The following IL1R2 variants were observed in gnomAD, a reference collection of about 807,000 sequenced individuals.
The protein encoded by IL1R2 is interleukin 1 receptor type 2.
Under a neutral mutation model 39.5 loss-of-function variants are expected in IL1R2, and 46 were observed. The ratio of observed to expected loss-of-function variants is 1.16; its 90% CI spans 0.92 to 1.49. IL1R2 has a LOEUF of 1.49. IL1R2 is among the 40% of genes most tolerant of loss of function. The probability of loss-of-function intolerance (pLI) is 0.00; values close to 1 mark genes in which losing one functional copy is unlikely to be tolerated. For synonymous variants in IL1R2, 207 were observed against 189.6 expected (o/e 1.09, Z -0.75); for missense variants, 537 against 502.0 (o/e 1.07, Z -0.67).
intron 5 of IL1R2, among the ~76,000 whole-genome samples, chr2:102,021,791 G>C (rs1267562030): frequency 1.3e-5 from 2 of 152,208 alleles, no homozygotes; most frequent in East Asian, 3.8e-4. Context: ...TGAGTATTTT[G>C]TGGCAGGCAC....
intron 1 of IL1R2, among the ~76,000 whole-genome samples, chr2:102,003,252 G>A (rs868491854): frequency 1.3e-5 from 2 of 151,602 alleles, no homozygotes; most frequent in South Asian, 2.1e-4. Flanking sequence ...CTGTGTCTGT[G>A]TCGGTGTCTG....
At chr2:102,016,147 GCACA>G in intron 4 of IL1R2, 96 bp downstream of exon 4, 3 of 919,264 alleles carry the variant, frequency 3.3e-6, no homozygotes, top group Non-Finnish European at 4.9e-6. Flanking sequence ...TGAAGACAGT[GCACA>G]CACACACACG....
Position 102,015,897 on chromosome 2 carries a change from C to G in IL1R2, c.359C>G (p.Ser120Cys), listed in dbSNP as rs746839384. ...AATGCTTCTTACTGTGACAAAATGT[C>G]CATTGAGCTCAGAGTTTTTGAGAAT... Reference protein sequence around the residue: ...TRNASYCDKMSIELRVFENTD... With the variant: ...TRNASYCDKMCIELRVFENTD... The change falls in exon 4 of 9, where the codon TCC becomes TGC. Residue 120 changes from serine (S) to cysteine (C), a missense_variant. By Grantham distance (112) the Ser-to-Cys change is moderately radical (BLOSUM62 -1). Coordinates refer to ENST00000332549, the MANE Select transcript of IL1R2 (RefSeq NM_004633.4). 3.7e-6 allele frequency: 6 copies of G among 1,613,564 alleles called. No homozygotes were observed. Among genetic ancestry groups the G allele is most frequent in the Non-Finnish European group, 5.1e-6 (6 of 1,179,774 alleles).
At chr2:102,024,374 T>G (rs747472615) in intron 6 of IL1R2, among the ~76,000 whole-genome samples, 159 bp from the exon 7 acceptor site, 10 of 152,172 alleles carry the variant, frequency 6.6e-5, no homozygotes, top group Non-Finnish European at 1.2e-4. Context: ...TAAAGCTCTG[T>G]GTGAACAGAA....
Position 102,015,861 on chromosome 2 carries a change from T to C in IL1R2, c.333-10T>C, listed in dbSNP as rs779024862. On this transcript the variant is annotated splice_polypyrimidine_tract_variant and intron_variant, in intron 3 of 8. Coordinates refer to ENST00000332549, the MANE Select transcript of IL1R2 (RefSeq NM_004633.4). ...CTTGCCATTTATCTTTTTTTTCCCTTTTAAATCAGAAATGCTTCTTACTGT... is the reference window on the plus strand; with the variant it reads ...CTTGCCATTTATCTTTTTTTTCCCTCTTAAATCAGAAATGCTTCTTACTGT... 6.2e-7 allele frequency: 1 copy of C among 1,604,548 alleles called. No individual in the cohort carries two copies. Among genetic ancestry groups the C allele is most frequent in the Non-Finnish European group, 8.5e-7 (1 of 1,172,408 alleles).
intron 1 of IL1R2, among the ~76,000 whole-genome samples, chr2:101,997,211 G>A (rs113001933): frequency 0.023 from 3,493 of 152,270 alleles, 64 homozygotes; most frequent in Non-Finnish European, 0.036. Context: ...GGGAAAACCC[G>A]AGGTCTGGTG....
chr2:102,014,951 A>AATAATG (rs1676896682), intron 3 of IL1R2, among the ~76,000 whole-genome samples: 1 of 135,956 alleles, frequency 7.4e-6, no homozygotes, highest in South Asian at 2.3e-4. Context: ...CTAGTAAAAT[A>AATAATG]ATAATAATAA....
chr2:102,016,951 A>G (rs1038124106), intron 4 of IL1R2, among the ~76,000 whole-genome samples: 1 of 152,214 alleles, frequency 6.6e-6, no homozygotes, highest in African/African-American at 2.4e-5. Context: ...ATTAGTCCTT[A>G]TGTGGGTTGA....
intron 7 of IL1R2, among the ~76,000 whole-genome samples, chr2:102,025,544 G>A (rs141040602): frequency 1.4e-4 from 22 of 152,320 alleles, no homozygotes; most frequent in African/African-American, 4.6e-4. Flanking sequence ...CCACTCATCT[G>A]TGTTTTTATT....
In IL1R2 at chr2:102,028,316, A is replaced by G; in HGVS notation, c.1121A>G (p.Lys374Arg). The G allele has an allele frequency of 6.2e-7, 1 of 1,612,314 alleles. No homozygotes were observed. The highest frequency in any genetic ancestry group is 8.5e-7 in the Non-Finnish European group (1 of 1,179,386). The part of the protein sequence containing the change: ...LGGIWMHRRC[K>R]HRTGKADGLT... Reference sequence around the variant, plus strand: ...GGAATATGGATGCACAGACGGTGCAAACACAGAACTGGAAAAGCAGATGGT... The same window carrying G: ...GGAATATGGATGCACAGACGGTGCAGACACAGAACTGGAAAAGCAGATGGT... Residue 374 changes from lysine to arginine, a missense_variant, in exon 9 of 9, where the codon AAA (lysine) becomes AGA (arginine). Physicochemically the swap from Lys to Arg is conservative, Grantham distance 26 (BLOSUM62 2). Transcript: ENST00000332549.
At chr2:102,019,996 T>G (rs1677266343) in intron 5 of IL1R2, among the ~76,000 whole-genome samples, 184 bp downstream of exon 5, 1 of 152,212 alleles carries the variant, frequency 6.6e-6, no homozygotes, top group Non-Finnish European at 1.5e-5. Context: ...AAGGTATAAA[T>G]CAGGGTGTTG....
rs143061058 is a variant in IL1R2, at chr2:102,001,737, A to T, written c.-61-6778A>T. 2.2e-3 allele frequency among the ~76,000 whole-genome samples: 341 copies of T among 152,326 alleles called. 2 individuals are homozygous for T. Among genetic ancestry groups the T allele is most frequent in the African/African-American group, 7.7e-3 (322 of 41,576 alleles). On this transcript the variant is annotated intron_variant, in intron 1 of 8. Coordinates refer to ENST00000332549, the MANE Select transcript of IL1R2 (RefSeq NM_004633.4). ...TTATTTCCTAGGGCTTAGTTAAAAA[A>T]TACATTCTATATTGTTTCACCTTTG...
intron 6 of IL1R2, 136 bp downstream of exon 6, chr2:102,022,385 A>C: frequency 1.4e-6 from 1 of 726,546 alleles, no homozygotes; most frequent in Non-Finnish European, 2.5e-6. Context: ...AGACCTTAGA[A>C]CTCCAGTGTG....
At chr2:102,024,716 TC>T (rs759114753) in intron 7 of IL1R2, 48 bp downstream of exon 7, 9 of 1,611,624 alleles carry the variant, frequency 5.6e-6, no homozygotes, top group Non-Finnish European at 6.8e-6. Flanking sequence ...GTTTCGCTCT[TC>T]CTTTTGGAGA....
At chr2:102,015,584 GC>G (rs768479409) in intron 3 of IL1R2, among the ~76,000 whole-genome samples, 11 of 152,168 alleles carry the variant, frequency 7.2e-5, no homozygotes, top group Non-Finnish European at 4.4e-5. Flanking sequence ...CTACAGCTGG[GC>G]AAAGTCATCT....
At chr2:102,024,362 A>G (rs1298547927) in intron 6 of IL1R2, among the ~76,000 whole-genome samples, 171 bp from the exon 7 acceptor site, 1 of 152,230 alleles carries the variant, frequency 6.6e-6, no homozygotes, top group Non-Finnish European at 1.5e-5. Flanking sequence ...CTTCGTAAAC[A>G]GTAAAGCTCT....
chr2:102,008,048 C>A (rs1450358531), intron 1 of IL1R2, among the ~76,000 whole-genome samples: 3 of 152,026 alleles, frequency 2.0e-5, no homozygotes, highest in Non-Finnish European at 4.4e-5. Flanking sequence ...AGAGGGGAGA[C>A]AAGGCTGATG....
intron 1 of IL1R2, among the ~76,000 whole-genome samples, chr2:102,007,581 G>A (rs898317449): frequency 9.9e-5 from 15 of 152,258 alleles, no homozygotes; most frequent in African/African-American, 3.6e-4. Context: ...AGCTTATTTT[G>A]CCAAGATTAA....
chr2:102,016,120 T>A (rs3819369), intron 4 of IL1R2, 69 bp downstream of exon 4: 679,082 of 1,222,924 alleles, frequency 0.56, 197,841 homozygotes, highest in African/African-American at 0.85. Context: ...AAAGAAAGAC[T>A]TAAAATATCG....
Sources: allele counts gnomAD v4.1 joint callset (sites outside exome capture counted in the v4.1 genomes callset), GRCh38; gene constraint gnomAD v4.1.1; transcripts MANE v1.5; gene names NCBI Gene and HGNC (gene_info 2026-07-23, HGNC 2026-07-21).